Variants in LIFR observed in about 807,000 individuals in gnomAD.
The protein encoded by LIFR is leukemia inhibitory factor receptor.
Under a neutral mutation model 122.2 loss-of-function variants are expected in LIFR, and 84 were observed. That is an observed-to-expected ratio of 0.69 (90% CI 0.58 to 0.82). The LOEUF (loss-of-function observed/expected upper bound fraction) is 0.82, where lower values mean the gene tolerates loss of function less well. LIFR is among the 40% of genes least tolerant of loss of function. The probability of loss-of-function intolerance (pLI) is 0.00; values close to 1 mark genes in which losing one functional copy is unlikely to be tolerated. For missense variants in LIFR, 1,294 were observed against 1,311.6 expected, an observed-to-expected ratio of 0.99 and a Z score of 0.21; for synonymous variants, 422 against 434.7, an observed-to-expected ratio of 0.97 and a Z score of 0.36.
intron 1 of LIFR, among the ~76,000 whole-genome samples, chr5:38,583,820 T>C (rs1304320173): frequency 2.0e-5 from 3 of 152,162 alleles, no homozygotes; most frequent in Non-Finnish European, 4.4e-5. Flanking sequence ...TGGGAGATAA[T>C]TGAATCATGG....
At chr5:38,551,011 A>G (rs1748173816) in intron 1 of LIFR, among the ~76,000 whole-genome samples, 1 of 152,182 alleles carries the variant, frequency 6.6e-6, no homozygotes, top group Non-Finnish European at 1.5e-5. Flanking sequence ...TTTTCCACAA[A>G]ATCAGACTCT....
intron 18 of LIFR, among the ~76,000 whole-genome samples, chr5:38,484,000 A>G (rs533627752): frequency 1.5e-3 from 231 of 152,178 alleles, no homozygotes; most frequent in African/African-American, 5.2e-3. Context: ...ACCTCACCTC[A>G]TGTCACTCAT....
intron 1 of LIFR, among the ~76,000 whole-genome samples, chr5:38,586,761 A>G (rs182151054): frequency 7.1e-4 from 108 of 152,238 alleles, no homozygotes; most frequent in Non-Finnish European, 1.1e-3. Flanking sequence ...CATCACATCA[A>G]AGCCATTTTC....
Position 38,485,354 on chromosome 5 carries a change from A to G in LIFR, c.2497+465T>C, listed in dbSNP as rs1744228524. Among the ~76,000 whole-genome samples the G allele has an allele frequency of 2.0e-5, 3 of 152,224 alleles. No homozygotes were observed. In the South Asian group the frequency reaches 6.2e-4, roughly 32 times the overall value. ...TGTGTGTGAACTCCAACTCAGGGGT[A>G]GAGGATAAGCCTATGATCGAAGTGA... is the stretch of plus-strand genomic sequence containing the variant. On this transcript the variant is annotated intron_variant, in intron 17 of 19. Transcript: ENST00000453190.
At chr5:38,505,386 T>C (rs1580059811) in intron 9 of LIFR, among the ~76,000 whole-genome samples, 1 of 146,418 alleles carries the variant, frequency 6.8e-6, no homozygotes, top group Admixed American at 7.0e-5. Flanking sequence ...TCTATACCTA[T>C]AAATTGCATA....
At chr5:38,532,220 C>T (rs1315064723) in intron 1 of LIFR, among the ~76,000 whole-genome samples, 1 of 152,140 alleles carries the variant, frequency 6.6e-6, no homozygotes, top group Non-Finnish European at 1.5e-5. Flanking sequence ...TACAGCCATG[C>T]CAGGAAGAAG....
chr5:38,509,945 G>C (rs139361074), intron 7 of LIFR, among the ~76,000 whole-genome samples: 82 of 152,120 alleles, frequency 5.4e-4, no homozygotes, highest in Non-Finnish European at 1.1e-3. Context: ...TATATAGAAC[G>C]CAGTGGGAGA....
chr5:38,566,681 A>G (rs1050630816), intron 1 of LIFR, among the ~76,000 whole-genome samples: 1 of 152,192 alleles, frequency 6.6e-6, no homozygotes, highest in Non-Finnish European at 1.5e-5. Flanking sequence ...GTAATAATAT[A>G]ATATATGGGA....
intron 1 of LIFR, among the ~76,000 whole-genome samples, chr5:38,551,105 C>T (rs1193779696): frequency 6.6e-6 from 1 of 152,110 alleles, no homozygotes. Flanking sequence ...GATGAAGTTC[C>T]AGCAAGAAGA....
Position 38,479,129 on chromosome 5 carries a change from G to C in LIFR, c.*2466C>G, listed in dbSNP as rs1357337424. The C allele has an allele frequency of 5.0e-6, 1 of 198,182 alleles. No individual in the cohort carries two copies. The highest frequency in any genetic ancestry group is 9.8e-6 in the Non-Finnish European group (1 of 102,132). The allele number at this position is 198,182 out of a possible 1,614,324, so 12.3% of individuals were successfully genotyped here. A position where few individuals can be genotyped will look rare whatever the true frequency, so the allele number is the denominator to read the frequency against. On this transcript the variant is annotated 3_prime_UTR_variant, in exon 20 of 20. Transcript: ENST00000453190. ...GTTACTCTCCCTACACACACAGGTT[G>C]GGGGGAGTAGAGGTAATATCCTGGG...
At chr5:38,496,621 A>G in intron 12 of LIFR, 26 bp from the exon 13 acceptor site, 1 of 1,501,190 alleles carries the variant, frequency 6.7e-7, no homozygotes, top group Non-Finnish European at 9.3e-7. Context: ...AAATTGTTAT[A>G]AAACCCTGCA....
intron 1 of LIFR, chr5:38,579,701 C>CA (rs1183940533): frequency 6.6e-6 from 1 of 152,138 alleles, no homozygotes; most frequent in Non-Finnish European, 1.5e-5. Context: ...ATGTTATAGA[C>CA]AAAATACTGC....
exon 1 of LIFR, chr5:38,608,177 T>C (rs1318079986): frequency 2.6e-5 from 4 of 152,230 alleles, no homozygotes; most frequent in Non-Finnish European, 5.9e-5. Context: ...GTTGCCTGTC[T>C]GGGCTTCTGT....
intron 5 of LIFR, among the ~76,000 whole-genome samples, chr5:38,516,029 CCT>C (rs1488575867): frequency 7.2e-5 from 11 of 151,986 alleles, no homozygotes; most frequent in African/African-American, 2.2e-4. Context: ...ATAAAAATGC[CCT>C]GAGGCATTTT....
intron 1 of LIFR, among the ~76,000 whole-genome samples, chr5:38,543,390 G>A (rs1339065921): frequency 1.3e-5 from 2 of 152,228 alleles, no homozygotes; most frequent in African/African-American, 4.8e-5. Flanking sequence ...AGCAAAGCCA[G>A]AATTTGAACC....
At chr5:38,574,919 C>T (rs1298512500) in intron 1 of LIFR, among the ~76,000 whole-genome samples, 2 of 152,044 alleles carry the variant, frequency 1.3e-5, no homozygotes, top group East Asian at 3.9e-4. Context: ...TCTTTTGTTC[C>T]CCTGCAACCC....
chr5:38,508,721 C>T (rs144144001), intron 7 of LIFR, among the ~76,000 whole-genome samples: 20 of 151,070 alleles, frequency 1.3e-4, no homozygotes, highest in East Asian at 3.9e-4. Context: ...AGACCACAGG[C>T]GCCTGCCACC....
intron 1 of LIFR, among the ~76,000 whole-genome samples, chr5:38,539,217 G>C (rs759688135): frequency 1.3e-5 from 2 of 152,060 alleles, no homozygotes. Context: ...CCAAAGTGCT[G>C]GGATTACAGG....
intron 1 of LIFR, among the ~76,000 whole-genome samples, chr5:38,589,338 A>G (rs1374356988): frequency 1.3e-5 from 2 of 152,126 alleles, no homozygotes; most frequent in African/African-American, 4.8e-5. Flanking sequence ...GCTACTGATC[A>G]TGTTTAAACA....
Sources: gnomAD v4.1 joint callset for allele counts (sites outside exome capture counted in the v4.1 genomes callset) on GRCh38, gnomAD v4.1.1 for gene constraint, MANE v1.5 for transcripts, NCBI Gene and HGNC (gene_info 2026-07-23, HGNC 2026-07-21) for gene names.